The following FAM222B variants were observed in gnomAD, a reference collection of about 807,000 sequenced individuals.
The protein encoded by FAM222B is protein FAM222B.
FAM222B carries 12 observed loss-of-function variants against 38.0 expected under a neutral mutation model. The observed-to-expected ratio is 0.32, with a 90% CI of 0.20 to 0.51. The LOEUF (loss-of-function observed/expected upper bound fraction) is 0.51. FAM222B is among the 20% of genes least tolerant of loss of function. The pLI is 0.97. For missense variants in FAM222B, 716 were observed against 754.2 expected, an observed-to-expected ratio of 0.95 and a Z score of 0.59; for synonymous variants, 329 against 317.2, an observed-to-expected ratio of 1.04 and a Z score of -0.40.
chr17:28,844,938 T>A (rs1054448977), upstream of FAM222B, among the ~76,000 whole-genome samples: 1 of 150,616 alleles, frequency 6.6e-6, no homozygotes. Context: ...CTGTCTCTAC[T>A]GAAAAAATAC....
At chr17:28,828,330 T>C (rs1177583753) in intron 1 of FAM222B, among the ~76,000 whole-genome samples, 1 of 151,538 alleles carries the variant, frequency 6.6e-6, no homozygotes, top group Non-Finnish European at 1.5e-5. Context: ...TGGGAGGCTG[T>C]GGTGACCAGA....
intron 1 of FAM222B, among the ~76,000 whole-genome samples, chr17:28,815,054 T>G (rs1177531217): frequency 6.6e-6 from 1 of 151,890 alleles, no homozygotes; most frequent in Admixed American, 6.6e-5. Context: ...ATTACAGGCA[T>G]GAGCCACCAC....
chr17:28,796,129 A>G (rs1597944793), intron 1 of FAM222B, among the ~76,000 whole-genome samples: 2 of 152,196 alleles, frequency 1.3e-5, no homozygotes, highest in African/African-American at 4.8e-5. Context: ...AAAATCCATC[A>G]AGTTCATACT....
At chr17:28,810,826 C>T (rs1056719476) in intron 1 of FAM222B, among the ~76,000 whole-genome samples, 1 of 152,130 alleles carries the variant, frequency 6.6e-6, no homozygotes, top group Non-Finnish European at 1.5e-5. Context: ...TTTCCTATCC[C>T]ATTATCCCTA....
chr17:28,777,001 A>C (rs2035927300), intron 1 of FAM222B: 1 of 152,296 alleles, frequency 6.6e-6, no homozygotes, highest in Middle Eastern at 3.4e-3. Context: ...TTGTTAGCCC[A>C]AATAACTAAG....
chr17:28,821,044 C>G (rs1020476280), intron 1 of FAM222B, among the ~76,000 whole-genome samples: 1 of 151,908 alleles, frequency 6.6e-6, no homozygotes, highest in African/African-American at 2.4e-5. Flanking sequence ...CAACCTCCCC[C>G]ACCTGGGTTC....
Position 28,819,438 on chromosome 17 carries a change from G to T in FAM222B, c.-41+23244C>A, listed in dbSNP as rs571698941. Among the ~76,000 whole-genome samples the T allele has an allele frequency of 9.2e-5, 14 of 152,260 alleles. No individual in the cohort carries two copies. The East Asian group carries it at 2.7e-3, about 29-fold the overall frequency. ...TATTCCATTTTGTTAGGTAGTGGTG[G>T]AAAGTGCCTTCTCCATACAGTCCTA... On this transcript the variant is annotated intron_variant, in intron 1 of 2. Transcript: ENST00000581407.
intron 1 of FAM222B, among the ~76,000 whole-genome samples, chr17:28,814,077 G>A (rs926166736): frequency 6.6e-6 from 1 of 151,794 alleles, no homozygotes; most frequent in Non-Finnish European, 1.5e-5. Flanking sequence ...GAGGTAGCTA[G>A]GCGTGGTAAC....
chr17:28,832,910 C>T (rs1485620688), intron 1 of FAM222B, among the ~76,000 whole-genome samples: 1 of 150,768 alleles, frequency 6.6e-6, no homozygotes, highest in East Asian at 2.0e-4. Context: ...GTGGCTCACA[C>T]CTAAAATCCT....
At chr17:28,819,968 C>G (rs1234367616) in intron 1 of FAM222B, among the ~76,000 whole-genome samples, 1 of 152,192 alleles carries the variant, frequency 6.6e-6, no homozygotes, top group Non-Finnish European at 1.5e-5. Context: ...AAGCCTTTCA[C>G]TTGTCCTTGA....
At chr17:28,778,648 C>T (rs1386502914) in intron 1 of FAM222B, among the ~76,000 whole-genome samples, 18 of 129,560 alleles carry the variant, frequency 1.4e-4, no homozygotes. Context: ...GGACTACAGG[C>T]GCATGTCATC....
intron 1 of FAM222B, among the ~76,000 whole-genome samples, chr17:28,830,237 C>CCACA (rs1169981302): frequency 3.3e-5 from 5 of 150,960 alleles, no homozygotes; most frequent in African/African-American, 4.9e-5. Context: ...TCTTGGCTCA[C>CCACA]CACAAGCTCC....
chr17:28,798,639 CTT>C (rs35469781), intron 1 of FAM222B, among the ~76,000 whole-genome samples: 2 of 145,594 alleles, frequency 1.4e-5, no homozygotes, highest in African/African-American at 2.5e-5. Context: ...CTTGCACCCC[CTT>C]TTTTTTTTTT....
At chr17:28,828,702 G>GT (rs1423458152) in intron 1 of FAM222B, among the ~76,000 whole-genome samples, 1 of 152,078 alleles carries the variant, frequency 6.6e-6, no homozygotes, top group Non-Finnish European at 1.5e-5. Context: ...AAATTCAAAT[G>GT]TATTTAGGGA....
In FAM222B at chr17:28,766,567, T is replaced by C. The variant is rs775170250; in HGVS notation, c.82+19A>G. 8 of 1,575,316 alleles carry C rather than the reference T, an allele frequency of 5.1e-6. No homozygotes were observed. The highest frequency in any genetic ancestry group is 4.1e-5 in the African/African-American group (3 of 74,040). On this transcript the variant is annotated intron_variant, in intron 2 of 2. Transcript: ENST00000581407. ...AAAACAAAGAATCACACATGCTCCATAGGATCCAGATTACTTACATTTCTG... is the reference window on the plus strand; with the variant it reads ...AAAACAAAGAATCACACATGCTCCACAGGATCCAGATTACTTACATTTCTG...
At chr17:28,766,808 C>A in intron 1 of FAM222B, 101 bp from the exon 2 acceptor site, 1 of 629,166 alleles carries the variant, frequency 1.6e-6, no homozygotes, top group South Asian at 2.0e-5. Context: ...AGTTTAGACA[C>A]ATAAAGCAAT....
rs1270622218 is a variant in FAM222B, at chr17:28,818,337, G to A, written c.-41+24345C>T. Among the ~76,000 whole-genome samples the A allele has an allele frequency of 2.6e-5, 4 of 152,020 alleles. No individual in the cohort carries two copies. In the South Asian group the frequency reaches 8.3e-4, roughly 32 times the overall value. On this transcript the variant is annotated intron_variant, in intron 1 of 2. Transcript: ENST00000581407. ...AGGTCAGGAGATCGAGACCATCTGG[G>A]CTAACACGGTGAAACCCTGTCTCTG...
At chr17:28,798,728 G>A (rs1003695827) in intron 1 of FAM222B, among the ~76,000 whole-genome samples, 5 of 149,072 alleles carry the variant, frequency 3.4e-5, no homozygotes, top group Admixed American at 2.0e-4. Context: ...TCCGCCTCCC[G>A]GGTTCACATT....
intron 1 of FAM222B, among the ~76,000 whole-genome samples, chr17:28,837,677 C>T (rs1398552981): frequency 1.3e-5 from 2 of 149,382 alleles, no homozygotes; most frequent in East Asian, 4.0e-4. Flanking sequence ...GAGACGGAGT[C>T]TCGCTCGCTG....
Sources: allele counts gnomAD v4.1 joint callset (sites outside exome capture counted in the v4.1 genomes callset), GRCh38; gene constraint gnomAD v4.1.1; transcripts MANE v1.5; gene names NCBI Gene and HGNC (gene_info 2026-07-23, HGNC 2026-07-21).